PLXNA4: variants seen among roughly 807,000 people sequenced by gnomAD.
PLXNA4 encodes the protein plexin-A4.
Under a neutral mutation model 191.8 loss-of-function variants are expected in PLXNA4, and 44 were observed. That is an observed-to-expected ratio of 0.23 (90% CI 0.18 to 0.29). The LOEUF (loss-of-function observed/expected upper bound fraction) is 0.29. PLXNA4 is among the 10% of genes least tolerant of loss of function. The pLI, the probability that PLXNA4 is intolerant of heterozygous loss-of-function variation, is 1.00. For missense variants in PLXNA4, 1,800 were observed against 2,488.8 expected (o/e 0.72, Z 5.89); for synonymous variants, 1,082 against 1,009.5 (o/e 1.07, Z -1.36).
Position 132,132,453 on chromosome 7 carries a change from TTCTGTTCTGTTCTGCTCTGC to T in PLXNA4, c.5589+576_5589+595del, listed in dbSNP as rs1238875873. 5.5e-3 allele frequency among the ~76,000 whole-genome samples: 313 copies of T among 57,022 alleles called. 1 individual carries two copies. Among genetic ancestry groups the T allele is most frequent in the African/African-American group, 0.015 (235 of 15,366 alleles). The allele number at this position is 57,022 out of a possible 152,430, so 37.4% of individuals were successfully genotyped here. On this transcript the variant is annotated intron_variant, in intron 31 of 31. Coordinates refer to ENST00000321063, the MANE Select transcript of PLXNA4 (RefSeq NM_020911.2). ...TTCTGTTCTGTTCTGTTCTGTTCTG[TTCTGTTCTGTTCTGCTCTGC>T]TCTGCTCTGCTCTGCTCTATTCTTT... is the stretch of plus-strand genomic sequence containing the variant.
intron 3 of PLXNA4, among the ~76,000 whole-genome samples, chr7:132,456,370 C>T (rs1273881675): frequency 1.3e-5 from 2 of 152,104 alleles, no homozygotes; most frequent in African/African-American, 4.8e-5. Context: ...GCCTCGGCCT[C>T]CCAAAGTGCT....
intron 3 of PLXNA4, chr7:132,383,895 C>T: frequency 1.0e-6 from 1 of 985,420 alleles, no homozygotes; most frequent in South Asian, 4.7e-5. Context: ...CACACAGAGC[C>T]AGTTTCACAT....
chr7:132,618,311 A>G (rs1803194458), intron 2 of PLXNA4, among the ~76,000 whole-genome samples: 2 of 152,152 alleles, frequency 1.3e-5, no homozygotes, highest in East Asian at 1.9e-4. Flanking sequence ...GTTATTCTTC[A>G]GCATTCATCA....
intron 3 of PLXNA4, among the ~76,000 whole-genome samples, chr7:132,486,687 TTAGA>T (rs1299787166): frequency 2.0e-5 from 3 of 152,238 alleles, no homozygotes; most frequent in African/African-American, 7.2e-5. Context: ...GCTCTGGAAA[TTAGA>T]TAGAATATCC....
chr7:132,479,942 G>A (rs1250800031), intron 3 of PLXNA4, among the ~76,000 whole-genome samples: 3 of 152,172 alleles, frequency 2.0e-5, no homozygotes, highest in Admixed American at 2.0e-4. Flanking sequence ...ACAGGCATGA[G>A]CCACTGCGCC....
At chr7:132,130,891 G>A (rs1794907327) in intron 31 of PLXNA4, among the ~76,000 whole-genome samples, 1 of 152,174 alleles carries the variant, frequency 6.6e-6, no homozygotes, top group Non-Finnish European at 1.5e-5. Context: ...AAGTGCCTGT[G>A]CCGAGATGCT....
At chr7:132,376,623 G>A (rs1563065113) in intron 3 of PLXNA4, among the ~76,000 whole-genome samples, 1 of 152,202 alleles carries the variant, frequency 6.6e-6, no homozygotes, top group East Asian at 1.9e-4. Flanking sequence ...CAGGAGCCCT[G>A]ATCAATCACT....
At chr7:132,463,910 G>T (rs541494041) in intron 3 of PLXNA4, among the ~76,000 whole-genome samples, 2 of 152,156 alleles carry the variant, frequency 1.3e-5, no homozygotes, top group African/African-American at 4.8e-5. Flanking sequence ...TAGCCACAGA[G>T]CAGAGGCCCA....
In PLXNA4 at chr7:132,369,955, C is replaced by T. The variant is rs953246775; in HGVS notation, c.1372-71733G>A. ...TGGTGCCAGGTGCCTGCAGTCCCAG[C>T]TACTCGGGAGGCTGAGGCAGGAGCA... On this transcript the variant is annotated intron_variant, in intron 3 of 31. Transcript: ENST00000321063. Among the ~76,000 whole-genome samples, 25 of 151,698 alleles carry T rather than the reference C, an allele frequency of 1.6e-4. 1 individual carries two copies.
At chr7:132,375,287 C>A (rs994820987) in intron 3 of PLXNA4, among the ~76,000 whole-genome samples, 2 of 152,134 alleles carry the variant, frequency 1.3e-5, no homozygotes, top group Non-Finnish European at 2.9e-5. Flanking sequence ...ATCCCGCCCC[C>A]CCCCACGCCC....
intron 2 of PLXNA4, among the ~76,000 whole-genome samples, chr7:132,496,689 C>T (rs1798026227): frequency 1.3e-5 from 2 of 152,164 alleles, no homozygotes; most frequent in African/African-American, 4.8e-5. Context: ...CATGAGCTAC[C>T]ACACCTGGCT....
chr7:132,249,092 G>A (rs1037166887), intron 4 of PLXNA4, among the ~76,000 whole-genome samples: 1 of 152,240 alleles, frequency 6.6e-6, no homozygotes, highest in South Asian at 2.1e-4. Context: ...AAAGGCAACC[G>A]CCCCAGGGCA....
intron 2 of PLXNA4, among the ~76,000 whole-genome samples, chr7:132,611,400 C>A (rs753242980): frequency 6.6e-6 from 1 of 152,214 alleles, no homozygotes; most frequent in African/African-American, 2.4e-5. Context: ...CATATCTTAA[C>A]GCTTCCAAAT....
At chr7:132,617,780 T>C (rs2116862518) in intron 2 of PLXNA4, among the ~76,000 whole-genome samples, 1 of 152,316 alleles carries the variant, frequency 6.6e-6, no homozygotes, top group African/African-American at 2.4e-5. Context: ...TTAAACCTGA[T>C]ATATGACCTA....
intron 20 of PLXNA4, among the ~76,000 whole-genome samples, chr7:132,176,808 ATG>A (rs1463494408): frequency 3.3e-5 from 5 of 149,466 alleles, no homozygotes; most frequent in African/African-American, 9.9e-5. Context: ...GAGTGTGCAT[ATG>A]TGTGTTGGTG....
At chr7:132,523,313 C>T (rs1265879008) in intron 1 of PLXNA4, among the ~76,000 whole-genome samples, 7 of 152,230 alleles carry the variant, frequency 4.6e-5, no homozygotes, top group Non-Finnish European at 2.9e-5. Flanking sequence ...ACCCTGGCTT[C>T]TCTAGTTGGA....
upstream of PLXNA4, among the ~76,000 whole-genome samples, chr7:132,579,425 TTGTGTGTGTGTGCGTGTG>T (rs1056258472): frequency 3.2e-4 from 48 of 151,120 alleles, no homozygotes; most frequent in African/African-American, 8.1e-4. Context: ...TCGGTTGTAT[TTGTGTGTGTGTGCGTGTG>T]TGTGTGTGTG....
chr7:132,562,377 C>G (rs1408550934), intron 1 of PLXNA4, among the ~76,000 whole-genome samples: 2 of 110,606 alleles, frequency 1.8e-5, no homozygotes, highest in African/African-American at 6.5e-5. Flanking sequence ...GCCTCCTCCT[C>G]CTTCTCCTCC....
chr7:132,640,506 T>C (rs1803720239), intron 2 of PLXNA4, among the ~76,000 whole-genome samples: 1 of 152,124 alleles, frequency 6.6e-6, no homozygotes, highest in African/African-American at 2.4e-5. Flanking sequence ...GAGCTTGCTA[T>C]CTCTGCATGT....
Sources: gnomAD v4.1 joint callset for allele counts (sites outside exome capture counted in the v4.1 genomes callset) on GRCh38, gnomAD v4.1.1 for gene constraint, MANE v1.5 for transcripts, NCBI Gene and HGNC (gene_info 2026-07-23, HGNC 2026-07-21) for gene names.